The following STAU2 variants were observed in gnomAD, a reference collection of about 807,000 sequenced individuals.
STAU2 encodes the protein double-stranded RNA-binding protein Staufen homolog 2.
A neutral mutation model predicts 65.9 loss-of-function variants in STAU2; 20 were observed. That is an observed-to-expected ratio of 0.30 (90% CI 0.21 to 0.44). The LOEUF (loss-of-function observed/expected upper bound fraction) is 0.44, where lower values mean the gene tolerates loss of function less well. Ranked by LOEUF, STAU2 falls within the 20% of genes least tolerant of loss-of-function variation. STAU2 has a pLI of 1.00. For synonymous variants in STAU2, 232 were observed against 233.9 expected (o/e 0.99, Z 0.07); for missense variants, 558 against 683.9 (o/e 0.82, Z 2.05).
chr8:73,693,782 C>T (rs1360420239), intron 4 of STAU2, among the ~76,000 whole-genome samples: 3 of 152,230 alleles, frequency 2.0e-5, no homozygotes, highest in Non-Finnish European at 4.4e-5. Context: ...ATGTACAACA[C>T]TGGGAAGTTA....
intron 6 of STAU2, among the ~76,000 whole-genome samples, chr8:73,629,707 A>G (rs908491377): frequency 1.3e-5 from 2 of 152,096 alleles, no homozygotes; most frequent in African/African-American, 4.8e-5. Context: ...TACAATCCAA[A>G]CCAGATGATT....
At chr8:73,688,105 T>C (rs547988778) in intron 5 of STAU2, among the ~76,000 whole-genome samples, 15 of 151,952 alleles carry the variant, frequency 9.9e-5, no homozygotes, top group Admixed American at 5.9e-4. Flanking sequence ...AAGTAAACAA[T>C]GCACTTTTAT....
intron 12 of STAU2, among the ~76,000 whole-genome samples, chr8:73,561,860 G>A (rs952035080): frequency 6.6e-6 from 1 of 152,004 alleles, no homozygotes; most frequent in African/African-American, 2.4e-5. Context: ...CAAGAAGTAG[G>A]GACTATGAAT....
chr8:73,502,892 T>C (rs1821843985), intron 13 of STAU2, among the ~76,000 whole-genome samples: 1 of 152,106 alleles, frequency 6.6e-6, no homozygotes, highest in Non-Finnish European at 1.5e-5. Context: ...AGATATTCAA[T>C]AAAGGTTTAT....
intron 9 of STAU2, among the ~76,000 whole-genome samples, chr8:73,606,322 A>G (rs1025886357): frequency 1.3e-5 from 2 of 152,148 alleles, no homozygotes; most frequent in South Asian, 2.1e-4. Context: ...AAATATTTGC[A>G]AAGTACATAT....
At chr8:73,616,781 G>C (rs541272297) in intron 7 of STAU2, among the ~76,000 whole-genome samples, 1 of 149,792 alleles carries the variant, frequency 6.7e-6, no homozygotes, top group African/African-American at 2.5e-5. Flanking sequence ...CTGGGCAACA[G>C]AGCGAGGCTC....
chr8:73,713,113 T>C (rs1376120274), intron 3 of STAU2, among the ~76,000 whole-genome samples: 1 of 152,226 alleles, frequency 6.6e-6, no homozygotes, highest in Non-Finnish European at 1.5e-5. Flanking sequence ...CCTTCACTGA[T>C]ACGAAACTTG....
At chr8:73,687,994 G>C (rs78814618) in intron 5 of STAU2, among the ~76,000 whole-genome samples, 56 of 151,484 alleles carry the variant, frequency 3.7e-4, no homozygotes, top group African/African-American at 1.0e-3. Context: ...GATGACAGGC[G>C]TGAGCCACCG....
chr8:73,645,965 T>C (rs542264448), intron 6 of STAU2, among the ~76,000 whole-genome samples: 5 of 152,218 alleles, frequency 3.3e-5, no homozygotes, highest in South Asian at 4.2e-4. Context: ...ACCTCCAACA[T>C]TGGTACAATT....
chr8:73,422,919 T>G (rs532929595), intron 13 of STAU2, among the ~76,000 whole-genome samples: 1 of 152,338 alleles, frequency 6.6e-6, no homozygotes, highest in East Asian at 1.9e-4. Flanking sequence ...GCCTTATCCC[T>G]TCTCCACAGT....
chr8:73,636,396 T>C (rs915958924), intron 6 of STAU2, among the ~76,000 whole-genome samples: 6 of 150,804 alleles, frequency 4.0e-5, no homozygotes, highest in South Asian at 4.2e-4. Flanking sequence ...CACACACACA[T>C]ACACACACTT....
At chr8:73,682,736 A>AG (rs1222544982) in intron 5 of STAU2, among the ~76,000 whole-genome samples, 2 of 152,188 alleles carry the variant, frequency 1.3e-5, no homozygotes, top group African/African-American at 4.8e-5. Flanking sequence ...AACCAAAAAA[A>AG]GAAGACAGAA....
chr8:73,580,892 C>T (rs550908635), intron 12 of STAU2, among the ~76,000 whole-genome samples: 37 of 152,336 alleles, frequency 2.4e-4, no homozygotes, highest in African/African-American at 7.9e-4. Flanking sequence ...ACAGAACATT[C>T]TTATTTCAAA....
At chr8:73,486,378 T>C (rs536154233) in intron 13 of STAU2, among the ~76,000 whole-genome samples, 2 of 152,120 alleles carry the variant, frequency 1.3e-5, no homozygotes, top group South Asian at 4.1e-4. Context: ...AACACTTGAA[T>C]AATCCAGCAG....
intron 3 of STAU2, among the ~76,000 whole-genome samples, chr8:73,716,930 G>A (rs904108990): frequency 1.1e-4 from 16 of 151,860 alleles, no homozygotes; most frequent in Admixed American, 9.9e-4. Flanking sequence ...ATGGTACCCC[G>A]CCTCTATTAA....
intron 6 of STAU2, among the ~76,000 whole-genome samples, chr8:73,658,969 A>C (rs1419631109): frequency 6.6e-6 from 1 of 151,746 alleles, no homozygotes; most frequent in Non-Finnish European, 1.5e-5. Flanking sequence ...ACCATACTTA[A>C]ATTGCTTTCT....
chr8:73,550,521 GA>G (rs1335918633), intron 13 of STAU2: 1 of 985,804 alleles, frequency 1.0e-6, no homozygotes, highest in Non-Finnish European at 1.2e-6. Context: ...ATTTCTAAAT[GA>G]TTAGATTCAT....
intron 13 of STAU2, among the ~76,000 whole-genome samples, chr8:73,447,426 A>G (rs1818530789): frequency 6.6e-6 from 1 of 152,216 alleles, no homozygotes; most frequent in Non-Finnish European, 1.5e-5. Flanking sequence ...ATTGCATCAT[A>G]TGGCTGTGCC....
chr8:73,731,085 T>C (rs561245957), intron 3 of STAU2, among the ~76,000 whole-genome samples: 2 of 152,330 alleles, frequency 1.3e-5, no homozygotes, highest in African/African-American at 4.8e-5. Flanking sequence ...CACGACTATT[T>C]GAAGCCTTAT....
Sources: gnomAD v4.1 joint callset for allele counts (sites outside exome capture counted in the v4.1 genomes callset) on GRCh38, gnomAD v4.1.1 for gene constraint, MANE v1.5 for transcripts, NCBI Gene and HGNC (gene_info 2026-07-23, HGNC 2026-07-21) for gene names.